Variants in TRIM33 observed in about 807,000 individuals in gnomAD.
The protein encoded by TRIM33 is E3 ubiquitin-protein ligase TRIM33.
A neutral mutation model predicts 125.4 loss-of-function variants in TRIM33; 20 were observed. The observed-to-expected ratio is 0.16, with a 90% CI of 0.11 to 0.23. The LOEUF (loss-of-function observed/expected upper bound fraction) is 0.23, where lower values mean the gene tolerates loss of function less well. Ranked by LOEUF, TRIM33 falls within the 10% of genes least tolerant of loss-of-function variation. The pLI, the probability that TRIM33 is intolerant of heterozygous loss-of-function variation, is 1.00. For missense variants in TRIM33, 920 were observed against 1,411.4 expected (o/e 0.65, Z 5.58); for synonymous variants, 564 against 513.9 (o/e 1.10, Z -1.32).
At chr1:114,411,284 A>G (rs1348950385) in intron 11 of TRIM33, among the ~76,000 whole-genome samples, 1 of 152,116 alleles carries the variant, frequency 6.6e-6, no homozygotes, top group African/African-American at 2.4e-5. Context: ...AGCTCAAGCA[A>G]TCTGCACACC....
chr1:114,491,826 A>G (rs112141419), intron 1 of TRIM33, among the ~76,000 whole-genome samples: 3 of 152,254 alleles, frequency 2.0e-5, no homozygotes, highest in African/African-American at 7.2e-5. Context: ...TAAATAAAAT[A>G]TATCGCTGGT....
chr1:114,498,926 A>G (rs1210597637), intron 1 of TRIM33, among the ~76,000 whole-genome samples: 2 of 152,310 alleles, frequency 1.3e-5, no homozygotes, highest in East Asian at 3.9e-4. Context: ...AGAAAAAAAA[A>G]TAGAAGCATA....
chr1:114,455,034 T>TA (rs1160251680), intron 4 of TRIM33, among the ~76,000 whole-genome samples: 6 of 152,146 alleles, frequency 3.9e-5, no homozygotes, highest in Admixed American at 6.5e-5. Context: ...GTGATTGACT[T>TA]AGAGGCACAG....
chr1:114,492,669 A>G (rs893415879), intron 1 of TRIM33, among the ~76,000 whole-genome samples: 1 of 152,102 alleles, frequency 6.6e-6, no homozygotes, highest in Non-Finnish European at 1.5e-5. Context: ...TGTAAGTATA[A>G]TCTTATATTT....
At chr1:114,481,663 A>G (rs79277303) in intron 1 of TRIM33, among the ~76,000 whole-genome samples, 1,168 of 113,672 alleles carry the variant, frequency 0.01, 13 homozygotes, top group African/African-American at 0.03. Context: ...GTGTGTGTGT[A>G]TATATATGTG....
At chr1:114,402,937 G>C (rs1651999070) in intron 15 of TRIM33, 54 bp from the exon 16 acceptor site, 4 of 1,529,538 alleles carry the variant, frequency 2.6e-6, no homozygotes, top group Non-Finnish European at 3.5e-6. Context: ...GCCTGCTCTA[G>C]AGAAGCTACT....
At chr1:114,482,682 G>GGGGCACCCA (rs1250415852) in intron 1 of TRIM33, among the ~76,000 whole-genome samples, 4 of 152,168 alleles carry the variant, frequency 2.6e-5, no homozygotes, top group Non-Finnish European at 5.9e-5. Context: ...GAGGTGATTG[G>GGGGCACCCA]ATCACGGGGG....
At chr1:114,448,734 T>C (rs1266644257) in intron 4 of TRIM33, among the ~76,000 whole-genome samples, 5 of 152,194 alleles carry the variant, frequency 3.3e-5, no homozygotes, top group Non-Finnish European at 5.9e-5. Context: ...GTAGGATCAA[T>C]GGATTAAAAT....
At chr1:114,490,324 A>C (rs1651986720) in intron 1 of TRIM33, among the ~76,000 whole-genome samples, 1 of 152,188 alleles carries the variant, frequency 6.6e-6, no homozygotes, top group South Asian at 2.1e-4. Context: ...AAGAAATGCA[A>C]ATCAAAACCA....
Position 114,460,195 on chromosome 1 carries a change from C to G in TRIM33, c.923+2909G>C, listed in dbSNP as rs191862455. 275 of 206,014 alleles carry G rather than the reference C, an allele frequency of 1.3e-3. 2 individuals are homozygous for G. The highest frequency in any genetic ancestry group is 6.0e-3 in the African/African-American group (260 of 43,322). 12.8% of individuals were successfully genotyped at this position (206,014 alleles called of 1,614,324 possible). A position where few individuals can be genotyped will look rare whatever the true frequency, so the allele number is the denominator to read the frequency against. On this transcript the variant is annotated intron_variant, in intron 4 of 19. Transcript: ENST00000358465. ...ACTGAACAGGTGCCATGGGAAAAGG[C>G]TAATGGCACAACTGTCCACGTAGGC... is the stretch of plus-strand genomic sequence containing the variant.
chr1:114,495,644 T>C (rs912214437), intron 1 of TRIM33, among the ~76,000 whole-genome samples: 1 of 152,168 alleles, frequency 6.6e-6, no homozygotes, highest in African/African-American at 2.4e-5. Context: ...TTAATTCAGA[T>C]AATCTACTTT....
chr1:114,468,454 A>G, intron 1 of TRIM33: 1 of 354,486 alleles, frequency 2.8e-6, no homozygotes, highest in Non-Finnish European at 5.6e-6. Flanking sequence ...GTGGCGCCAG[A>G]GCCAACTGGG....
chr1:114,478,118 A>C (rs1364531927), intron 1 of TRIM33, among the ~76,000 whole-genome samples: 3 of 152,232 alleles, frequency 2.0e-5, no homozygotes, highest in Non-Finnish European at 4.4e-5. Flanking sequence ...AAAATGAGAC[A>C]CACTTATTCT....
intron 11 of TRIM33, among the ~76,000 whole-genome samples, chr1:114,412,626 C>T (rs775262465): frequency 2.6e-5 from 4 of 152,060 alleles, no homozygotes; most frequent in Non-Finnish European, 5.9e-5. Flanking sequence ...ATACTGTACG[C>T]TTTTTTCATC....
intron 1 of TRIM33, among the ~76,000 whole-genome samples, chr1:114,467,484 C>T (rs1388137890): frequency 2.0e-5 from 3 of 152,112 alleles, no homozygotes; most frequent in African/African-American, 4.8e-5. Context: ...GTAGTTATGA[C>T]TGCTGAGGAA....
chr1:114,480,941 A>C (rs1403897994), intron 1 of TRIM33, among the ~76,000 whole-genome samples: 1 of 152,082 alleles, frequency 6.6e-6, no homozygotes, highest in Non-Finnish European at 1.5e-5. Flanking sequence ...TAACATCAGA[A>C]AAAAAAAGAT....
chr1:114,426,449 A>T (rs2101163340), intron 8 of TRIM33, among the ~76,000 whole-genome samples: 1 of 152,206 alleles, frequency 6.6e-6, no homozygotes, highest in East Asian at 1.9e-4. Flanking sequence ...GGCTGATGTC[A>T]GAACTAAGGC....
chr1:114,484,341 T>TA (rs201173245), intron 1 of TRIM33, among the ~76,000 whole-genome samples: 3,728 of 152,090 alleles, frequency 0.025, 145 homozygotes, highest in African/African-American at 0.085. Context: ...GGTAAAAAAA[T>TA]AAAAAAAACT....
rs540035981 is a variant in TRIM33, at chr1:114,464,776, C to A, written c.527-388G>T. On this transcript the variant is annotated intron_variant, in intron 1 of 19. Transcript: ENST00000358465. ...CCTAAACGTGATCAAGTGACCTTAT[C>A]AGGGGGAGGAAGAGGAAGGTAAGAC... Among the ~76,000 whole-genome samples, 7 of 152,192 alleles carry A rather than the reference C, an allele frequency of 4.6e-5. No individual in the cohort carries two copies. The South Asian group carries it at 1.2e-3, about 27-fold the overall frequency.
Sources: gnomAD v4.1 joint callset for allele counts (sites outside exome capture counted in the v4.1 genomes callset) on GRCh38, gnomAD v4.1.1 for gene constraint, MANE v1.5 for transcripts, NCBI Gene and HGNC (gene_info 2026-07-23, HGNC 2026-07-21) for gene names.